CCNJL: variants seen among roughly 807,000 people sequenced by gnomAD.
CCNJL encodes cyclin J like, also known as cyclin-J-like protein.
CCNJL carries 33 observed loss-of-function variants against 33.4 expected under a neutral mutation model. The ratio of observed to expected loss-of-function variants is 0.99; its 90% CI spans 0.75 to 1.32. CCNJL has a LOEUF of 1.32. CCNJL is among the 40% of genes most tolerant of loss of function. CCNJL has a pLI of 0.00. For synonymous variants in CCNJL, 227 were observed against 220.9 expected, an observed-to-expected ratio of 1.03 and a Z score of -0.24; for missense variants, 512 against 499.7, an observed-to-expected ratio of 1.02 and a Z score of -0.23.
intron 3 of CCNJL, among the ~76,000 whole-genome samples, chr5:160,260,771 C>T (rs1580950363): frequency 6.6e-6 from 1 of 152,140 alleles, no homozygotes; most frequent in East Asian, 1.9e-4. Flanking sequence ...TTGACACAGC[C>T]CCCTGGGCCT....
intron 1 of CCNJL, among the ~76,000 whole-genome samples, chr5:160,327,120 T>TAAAAA (rs368393743): frequency 7.0e-6 from 1 of 143,808 alleles, no homozygotes; most frequent in African/African-American, 2.5e-5. Flanking sequence ...TGTTTGTATT[T>TAAAAA]AAAAAAAAAA....
intron 2 of CCNJL, among the ~76,000 whole-genome samples, chr5:160,302,587 G>C (rs368665298): frequency 2.6e-5 from 4 of 152,072 alleles, no homozygotes; most frequent in Admixed American, 2.0e-4. Context: ...TGAGATGGGC[G>C]GATCACTTGA....
At chr5:160,303,255 G>A (rs1762980555) in intron 2 of CCNJL, among the ~76,000 whole-genome samples, 1 of 152,038 alleles carries the variant, frequency 6.6e-6, no homozygotes, top group African/African-American at 2.4e-5. Context: ...GCCCAAGCTG[G>A]AGCGCAATGG....
In CCNJL at chr5:160,280,704, G is replaced by T; in HGVS notation, c.101C>A (p.Pro34Gln). The stretch of plus-strand genomic sequence containing the variant: ...GAAGAACCGGCGGCTCTTCAGGAGT[G>T]GGGAGTGGGCTCGGAAGGTGGGCAG... ...LKLPTFRAHS[P>Q]LLKSRRFFVD... Residue 34 changes from proline (P) to glutamine (Q), a missense_variant, in exon 3 of 6, where the codon CCA becomes CAA. Physicochemically the swap from Pro to Gln is moderately conservative, Grantham distance 76 (BLOSUM62 -1). Coordinates refer to ENST00000257536, the MANE Select transcript of CCNJL (RefSeq NM_001308173.3). The T allele has an allele frequency of 6.2e-7, 1 of 1,611,688 alleles. No homozygotes were observed. Among genetic ancestry groups the T allele is most frequent in the Non-Finnish European group, 8.5e-7 (1 of 1,179,102 alleles).
intron 1 of CCNJL, among the ~76,000 whole-genome samples, chr5:160,335,748 A>ATTTGTTT (rs1455695161): frequency 7.2e-5 from 9 of 125,546 alleles, no homozygotes; most frequent in African/African-American, 2.1e-4. Context: ...TTTTTTTTGA[A>ATTTGTTT]ATTTTTTTTT....
chr5:160,327,890 A>AG (rs1334228736), intron 1 of CCNJL, among the ~76,000 whole-genome samples: 6 of 151,872 alleles, frequency 4.0e-5, no homozygotes, highest in Non-Finnish European at 8.8e-5. Flanking sequence ...AAACAAAAAA[A>AG]CAATACAAAA....
At position 160,253,786 on chromosome 5, in the gene CCNJL, G is replaced by A. The variant is rs545974239; in HGVS notation, c.756C>T (p.Asn252=). Residue 252 remains asparagine, a synonymous_variant, in exon 6 of 6, where the codon AAC becomes AAT. Coordinates refer to ENST00000257536, the MANE Select transcript of CCNJL (RefSeq NM_001308173.3). ...CIEILLVVYD[N]VLKDAVAVKS... ...TGACGGCTACGGCATCCTTGAGGAC[G>A]TTGTCATACACTCTGAAACGAGAAG... 5.9e-6 allele frequency: 9 copies of A among 1,514,212 alleles called. No homozygotes were observed. Among genetic ancestry groups the A allele is most frequent in the East Asian group, 2.3e-5 (1 of 43,964 alleles). 93.8% of individuals were successfully genotyped at this position (1,514,212 alleles called of 1,614,324 possible). A position where few individuals can be genotyped will look rare whatever the true frequency, so the allele number is the denominator to read the frequency against.
At position 160,320,788 on chromosome 5, in the gene CCNJL, C is replaced by CCTCTTTCTTTCTTT. The variant is rs1490550277; in HGVS notation, n.207-5284_207-5283insAAAGAAAGAAAGAG. ...TTTTCTTTCTTTCTTTTCTTTCTTTCCTTTCTTTCTTTCTTTCTTTCTTTC... is the reference window on the plus strand; with the variant it reads ...TTTTCTTTCTTTCTTTTCTTTCTTTCCTCTTTCTTTCTTTCTTTCTTTCTTTCTTTCTTTCTTTC... On this transcript the variant is annotated intron_variant and non_coding_transcript_variant, in intron 1 of 7. Coordinates refer to the CCNJL transcript ENST00000377503. Among the ~76,000 whole-genome samples, 21 of 116,320 alleles carry CCTCTTTCTTTCTTT rather than the reference C, an allele frequency of 1.8e-4. 1 individual carries two copies. The highest frequency in any genetic ancestry group is 6.8e-4 in the African/African-American group (19 of 28,026). The allele number at this position is 116,320 out of a possible 152,430, so 76.3% of individuals were successfully genotyped here. A position where few individuals can be genotyped will look rare whatever the true frequency, so the allele number is the denominator to read the frequency against.
Position 160,283,002 on chromosome 5 carries a change from TATATATAC to T in CCNJL, c.67-2272_67-2265del, listed in dbSNP as rs1324514630. 1.6e-3 allele frequency among the ~76,000 whole-genome samples: 92 copies of T among 56,258 alleles called. 2 individuals are homozygous for T. The highest frequency in any genetic ancestry group is 2.9e-3 in the East Asian group (3 of 1,018). 36.9% of individuals were successfully genotyped at this position (56,258 alleles called of 152,430 possible). Reference sequence around the variant, plus strand: ...ATATATATATATATATATATATATATATATATACATATATATATATATATACCTAAGAG... The same window carrying T: ...ATATATATATATATATATATATATATATATATATATATATATACCTAAGAG... On this transcript the variant is annotated intron_variant, in intron 2 of 5. Coordinates refer to ENST00000257536, the MANE Select transcript of CCNJL (RefSeq NM_001308173.3).
chr5:160,320,996 TTCTCTCTCTCTCTCTC>T (rs138268750), intron 1 of CCNJL, among the ~76,000 whole-genome samples: 1 of 97,112 alleles, frequency 1.0e-5, no homozygotes, highest in African/African-American at 4.2e-5. Context: ...CTTTCTTTCT[TTCTCTCTCTCTCTCTC>T]TCTTTCTTTC....
At chr5:160,327,678 T>C (rs760380853) in intron 1 of CCNJL, among the ~76,000 whole-genome samples, 1 of 152,228 alleles carries the variant, frequency 6.6e-6, no homozygotes, top group Non-Finnish European at 1.5e-5. Context: ...GCATTCTGTA[T>C]GACCCTTGTC....
At chr5:160,272,604 T>C (rs1480984649) in intron 3 of CCNJL, among the ~76,000 whole-genome samples, 3 of 152,292 alleles carry the variant, frequency 2.0e-5, no homozygotes, top group Non-Finnish European at 4.4e-5. Flanking sequence ...TTATAGTTTA[T>C]TGTTTAGGTA....
intron 1 of CCNJL, among the ~76,000 whole-genome samples, chr5:160,321,837 C>T (rs551515922): frequency 2.6e-5 from 4 of 151,994 alleles, no homozygotes; most frequent in South Asian, 2.1e-4. Context: ...CCAGCCTGGG[C>T]GACAGAGTGA....
rs533106476 is a variant in CCNJL at position 160,302,189 on chromosome 5, CAAT to C, written c.66+9666_66+9668del. Among the ~76,000 whole-genome samples, 19 of 152,256 alleles carry C rather than the reference CAAT, an allele frequency of 1.2e-4. No homozygotes were observed. In the South Asian group the frequency reaches 1.9e-3, roughly 15 times the overall value. ...AATAAGCAGTCCCCTAAATATCCAA[CAAT>C]GAGATGAGTTAGTGAAATCATGATG... On this transcript the variant is annotated intron_variant, in intron 2 of 5. Transcript: ENST00000257536.
intron 3 of CCNJL, among the ~76,000 whole-genome samples, chr5:160,278,465 G>A (rs1762092672): frequency 6.6e-6 from 1 of 152,168 alleles, no homozygotes; most frequent in Admixed American, 6.5e-5. Context: ...TGGGGAGAGG[G>A]GAGGAGGGAA....
intron 3 of CCNJL, among the ~76,000 whole-genome samples, chr5:160,277,949 C>T (rs974211830): frequency 1.3e-5 from 2 of 151,858 alleles, no homozygotes; most frequent in Non-Finnish European, 2.9e-5. Flanking sequence ...TTCTTGTTGC[C>T]CAGGCTGGAA....
chr5:160,335,293 T>C (rs1763668582), intron 1 of CCNJL, among the ~76,000 whole-genome samples: 1 of 152,180 alleles, frequency 6.6e-6, no homozygotes, highest in South Asian at 2.1e-4. Context: ...TATATCTGTT[T>C]ATATATAATG....
intron 3 of CCNJL, among the ~76,000 whole-genome samples, chr5:160,266,006 A>G (rs1382590622): frequency 6.6e-6 from 1 of 152,212 alleles, no homozygotes; most frequent in African/African-American, 2.4e-5. Flanking sequence ...AGAAGTTGAG[A>G]TCCCATAGCT....
At chr5:160,319,020 G>C (rs562117011) in intron 1 of CCNJL, among the ~76,000 whole-genome samples, 6 of 152,322 alleles carry the variant, frequency 3.9e-5, no homozygotes, top group African/African-American at 1.4e-4. Flanking sequence ...TCCGTAAACT[G>C]TCCAAAAACT....
Sources: allele counts gnomAD v4.1 joint callset (sites outside exome capture counted in the v4.1 genomes callset), GRCh38; gene constraint gnomAD v4.1.1; transcripts MANE v1.5; gene names NCBI Gene and HGNC (gene_info 2026-07-23, HGNC 2026-07-21).